AGBL1: variants seen among roughly 807,000 people sequenced by gnomAD.
AGBL1 encodes the protein cytosolic carboxypeptidase 4.
A neutral mutation model predicts 118.9 loss-of-function variants in AGBL1; 130 were observed. That is an observed-to-expected ratio of 1.09 (90% CI 0.95 to 1.26). AGBL1 has a LOEUF of 1.26. Among genes scored for constraint, AGBL1 ranks in the 50% most tolerant of loss-of-function variants. AGBL1 has a pLI of 0.00. For synonymous variants in AGBL1, 555 were observed against 478.9 expected (o/e 1.16, Z -2.08); for missense variants, 1,584 against 1,298.1 (o/e 1.22, Z -3.38).
intron 18 of AGBL1, among the ~76,000 whole-genome samples, chr15:86,515,514 AT>A (rs1596211745): frequency 6.6e-6 from 1 of 152,080 alleles, no homozygotes; most frequent in Non-Finnish European, 1.5e-5. Flanking sequence ...TTAGTTCTTG[AT>A]TTTTAAACAT....
intron 17 of AGBL1, among the ~76,000 whole-genome samples, chr15:86,368,361 G>A (rs2080922594): frequency 6.6e-6 from 1 of 152,046 alleles, no homozygotes; most frequent in African/African-American, 2.4e-5. Context: ...TCCAAAATAT[G>A]TCATGAGAAA....
At chr15:86,653,606 C>T (rs2085414033) in intron 21 of AGBL1, among the ~76,000 whole-genome samples, 1 of 152,124 alleles carries the variant, frequency 6.6e-6, no homozygotes. Flanking sequence ...CAAGGCCTTC[C>T]CCTTATTGTT....
intron 16 of AGBL1, among the ~76,000 whole-genome samples, chr15:86,285,749 T>TAAC (rs1444019953): frequency 6.6e-6 from 1 of 152,132 alleles, no homozygotes; most frequent in Non-Finnish European, 1.5e-5. Context: ...GTGGAAAATG[T>TAAC]AATAATAATA....
At chr15:86,917,643 A>ACTT (rs575928923), downstream of AGBL1, among the ~76,000 whole-genome samples, 517 of 152,224 alleles carry the variant, frequency 3.4e-3, no homozygotes, top group Non-Finnish European at 5.9e-3. This position sits in a 1 kb window ranked among gnomAD's most constrained non-coding sequence, Gnocchi z 4.8. Context: ...GCAGTTGGAG[A>ACTT]CTTCCTTTAG....
At chr15:86,930,556 C>A (rs1270835187) in intron 23 of AGBL1, among the ~76,000 whole-genome samples, 3 of 152,038 alleles carry the variant, frequency 2.0e-5, no homozygotes, top group Non-Finnish European at 4.4e-5. Flanking sequence ...TAAATATTTT[C>A]TCTGGTTGTA....
downstream of AGBL1, among the ~76,000 whole-genome samples, chr15:86,916,909 G>A (rs140757030): frequency 9.6e-3 from 1,458 of 152,268 alleles, 9 homozygotes; most frequent in Middle Eastern, 0.037. Context: ...GAGCAGTGCC[G>A]TTGATATCCT....
intron 22 of AGBL1, among the ~76,000 whole-genome samples, chr15:86,805,975 A>G (rs1176466759): frequency 2.0e-5 from 3 of 152,070 alleles, no homozygotes; most frequent in Non-Finnish European, 4.4e-5. Flanking sequence ...GTCTATGCTG[A>G]TTTCAGGGGC....
chr15:86,470,974 G>T (rs181258156), intron 18 of AGBL1, among the ~76,000 whole-genome samples: 82 of 152,230 alleles, frequency 5.4e-4, no homozygotes, highest in African/African-American at 1.9e-3. Context: ...TGCAAGCAGA[G>T]ATAATTTTAC....
intron 22 of AGBL1, among the ~76,000 whole-genome samples, chr15:86,765,208 A>C (rs1429790569): frequency 2.6e-5 from 4 of 152,004 alleles, no homozygotes; most frequent in Admixed American, 6.6e-5. Context: ...ATGACAGTGG[A>C]AATTCCCTAT....
At chr15:86,113,176 G>A (rs1429022135) in intron 1 of AGBL1, among the ~76,000 whole-genome samples, 1 of 146,716 alleles carries the variant, frequency 6.8e-6, no homozygotes, top group East Asian at 2.0e-4. Context: ...CTTAGTTTCT[G>A]TTCAGTACCG....
At chr15:86,258,441 A>G (rs1224025153) in intron 9 of AGBL1, among the ~76,000 whole-genome samples, 3 of 152,142 alleles carry the variant, frequency 2.0e-5, no homozygotes, top group Non-Finnish European at 2.9e-5. Context: ...GCATTGTACA[A>G]TTCCATTGAC....
intron 18 of AGBL1, among the ~76,000 whole-genome samples, chr15:86,433,088 G>A (rs940915053): frequency 6.6e-6 from 1 of 152,120 alleles, no homozygotes; most frequent in Non-Finnish European, 1.5e-5. Context: ...CTGATAGGCC[G>A]GAGCAGGGTG....
chr15:86,186,012 C>G (rs1355204927), intron 5 of AGBL1, among the ~76,000 whole-genome samples: 1 of 151,994 alleles, frequency 6.6e-6, no homozygotes, highest in Non-Finnish European at 1.5e-5. Context: ...TAAGTAGTTC[C>G]TATAGGGTGG....
chr15:86,119,264 G>T (rs886534924), intron 1 of AGBL1, among the ~76,000 whole-genome samples: 3 of 152,004 alleles, frequency 2.0e-5, no homozygotes, highest in Admixed American at 1.3e-4. Flanking sequence ...AGACACTAAA[G>T]TGAGTCTGTG....
At chr15:86,233,985 T>G (rs574399062) in intron 6 of AGBL1, among the ~76,000 whole-genome samples, 15 of 152,272 alleles carry the variant, frequency 9.9e-5, no homozygotes, top group Admixed American at 7.8e-4. Flanking sequence ...GTTTTTCTTG[T>G]TTGAGACAAA....
At chr15:86,298,261 A>G (rs1322370656) in intron 17 of AGBL1, among the ~76,000 whole-genome samples, 4 of 103,096 alleles carry the variant, frequency 3.9e-5, no homozygotes, top group Admixed American at 1.8e-4. Flanking sequence ...ATATATATAT[A>G]TATATATATA....
chr15:86,475,977 C>T (rs1460865460), intron 18 of AGBL1, among the ~76,000 whole-genome samples: 1 of 152,060 alleles, frequency 6.6e-6, no homozygotes, highest in East Asian at 1.9e-4. Flanking sequence ...CCAAACTAAG[C>T]TTCATAAATG....
chr15:86,502,146 C>T (rs531721781), intron 18 of AGBL1, among the ~76,000 whole-genome samples: 2 of 151,576 alleles, frequency 1.3e-5, no homozygotes, highest in African/African-American at 4.8e-5. Context: ...GGTGTAAAAA[C>T]CTTACACTTC....
At chr15:86,452,995 A>G (rs550775712) in intron 18 of AGBL1, among the ~76,000 whole-genome samples, 2 of 152,220 alleles carry the variant, frequency 1.3e-5, no homozygotes, top group African/African-American at 4.8e-5. Flanking sequence ...AGCACATCCT[A>G]TATGCCTTAC....
Sources: gnomAD v4.1 joint callset for allele counts (sites outside exome capture counted in the v4.1 genomes callset) on GRCh38, gnomAD v4.1.1 for gene constraint, Gnocchi (gnomAD v3.1) non-coding constraint, MANE v1.5 for transcripts, NCBI Gene and HGNC (gene_info 2026-07-23, HGNC 2026-07-21) for gene names.